The following TENM4 variants were observed in gnomAD, a reference collection of about 807,000 sequenced individuals.
TENM4 encodes teneurin transmembrane protein 4, also known as teneurin-4.
TENM4 carries 82 observed loss-of-function variants against 243.3 expected under a neutral mutation model. The observed-to-expected ratio is 0.34, with a 90% CI of 0.28 to 0.40. The LOEUF (loss-of-function observed/expected upper bound fraction) is 0.40. Among genes scored for constraint, TENM4 ranks in the 10% least tolerant of loss-of-function variants. The pLI is 1.00. For missense variants in TENM4, 3,138 were observed against 3,673.3 expected (o/e 0.85, Z 3.77); for synonymous variants, 1,412 against 1,456.3 (o/e 0.97, Z 0.69).
intron 4 of TENM4, among the ~76,000 whole-genome samples, chr11:79,113,541 A>G (rs911229481): frequency 6.6e-6 from 1 of 152,036 alleles, no homozygotes; most frequent in African/African-American, 2.4e-5. Context: ...TCAAGGACAA[A>G]AAAACTCACC....
At chr11:79,397,764 G>A (rs1858375781) in intron 1 of TENM4, among the ~76,000 whole-genome samples, 1 of 152,186 alleles carries the variant, frequency 6.6e-6, no homozygotes, top group South Asian at 2.1e-4. Flanking sequence ...AGGGCTGGCT[G>A]CTGAGTGGCC....
chr11:79,138,311 TTA>T lies in TENM4; in HGVS notation c.-66+10397_-66+10398del, dbSNP rs1324975719. Among the ~76,000 whole-genome samples, 50 of 96,082 alleles carry T rather than the reference TTA, an allele frequency of 5.2e-4. 1 individual carries two copies. The highest frequency in any genetic ancestry group is 4.7e-3 in the East Asian group (19 of 4,078). 63.0% of individuals were successfully genotyped at this position (96,082 alleles called of 152,430 possible). A position where few individuals can be genotyped will look rare whatever the true frequency, so the allele number is the denominator to read the frequency against. On this transcript the variant is annotated intron_variant, in intron 4 of 33. Coordinates refer to ENST00000278550, the MANE Select transcript of TENM4 (RefSeq NM_001098816.3). Reference sequence around the variant, plus strand: ...GAGTTAATACTTAATAAACTCCCCTTTATATATATATATATATATTATATATA... The same window carrying T: ...GAGTTAATACTTAATAAACTCCCCTTTATATATATATATATATTATATATA...
intron 19 of TENM4, among the ~76,000 whole-genome samples, chr11:78,748,013 G>A (rs1856090495): frequency 6.6e-6 from 1 of 152,174 alleles, no homozygotes; most frequent in African/African-American, 2.4e-5. Context: ...AGGGCTGATG[G>A]TCTGGAAGGT....
At chr11:79,241,733 C>A (rs1459519953) in intron 2 of TENM4, among the ~76,000 whole-genome samples, 1 of 151,866 alleles carries the variant, frequency 6.6e-6, no homozygotes, top group Non-Finnish European at 1.5e-5. Flanking sequence ...TGTGTGTGTG[C>A]ATGTGTATGG....
intron 2 of TENM4, among the ~76,000 whole-genome samples, chr11:79,220,203 TGGA>T (rs1864131648): frequency 2.0e-5 from 3 of 152,368 alleles, no homozygotes; most frequent in East Asian, 1.9e-4. Flanking sequence ...ACCTGCAGCC[TGGA>T]GGAGATGACC....
intron 6 of TENM4, among the ~76,000 whole-genome samples, chr11:79,053,219 G>C (rs1859846923): frequency 6.6e-6 from 1 of 152,128 alleles, no homozygotes; most frequent in South Asian, 2.1e-4. Flanking sequence ...ACAAGTTCAT[G>C]GTTAGTTAGT....
At chr11:78,889,082 C>T (rs941735507) in intron 9 of TENM4, among the ~76,000 whole-genome samples, 1 of 152,216 alleles carries the variant, frequency 6.6e-6, no homozygotes, top group African/African-American at 2.4e-5. Context: ...GAGCCATCTG[C>T]TGTATCAAGG....
chr11:79,285,834 A>G (rs1856240776), intron 2 of TENM4, among the ~76,000 whole-genome samples: 1 of 152,078 alleles, frequency 6.6e-6, no homozygotes, highest in South Asian at 2.1e-4. Context: ...AAGTCCATAA[A>G]GAGGGAGAAA....
intron 2 of TENM4, among the ~76,000 whole-genome samples, chr11:79,279,894 G>A (rs929685504): frequency 6.6e-6 from 1 of 152,176 alleles, no homozygotes; most frequent in African/African-American, 2.4e-5. Context: ...GAGGTGGTTA[G>A]GTTATGAGAG....
chr11:78,730,820 T>C lies in TENM4; in HGVS notation c.3139-1177A>G, dbSNP rs73496556. ...AACGTTTACCCTCACCCCATTCTCC[T>C]GAACACAGGAAATTTTAGGGATTGG... is the stretch of plus-strand genomic sequence containing the variant. On this transcript the variant is annotated intron_variant, in intron 21 of 33. Coordinates refer to ENST00000278550, the MANE Select transcript of TENM4 (RefSeq NM_001098816.3). 8.1e-3 allele frequency among the ~76,000 whole-genome samples: 1,236 copies of C among 152,320 alleles called. 18 individuals carry two copies. The highest frequency in any genetic ancestry group is 0.029 in the African/African-American group (1,186 of 41,558).
At chr11:79,307,983 A>G (rs941866109) in intron 1 of TENM4, among the ~76,000 whole-genome samples, 25 of 152,194 alleles carry the variant, frequency 1.6e-4, no homozygotes, top group African/African-American at 5.8e-4. Flanking sequence ...TCAGCCACCA[A>G]CAATTGGGAG....
At chr11:78,754,203 G>A (rs1278288126) in intron 19 of TENM4, among the ~76,000 whole-genome samples, 2 of 152,236 alleles carry the variant, frequency 1.3e-5, no homozygotes, top group Non-Finnish European at 1.5e-5. Flanking sequence ...TATGTATCTA[G>A]AGCGGCAGAG....
At chr11:78,713,277 C>G (rs1312896423) in intron 25 of TENM4, among the ~76,000 whole-genome samples, 1 of 152,176 alleles carries the variant, frequency 6.6e-6, no homozygotes, top group African/African-American at 2.4e-5. Flanking sequence ...TTACACTTAT[C>G]AGGAGCCCAG....
intron 9 of TENM4, among the ~76,000 whole-genome samples, chr11:78,884,751 T>C (rs1409824940): frequency 6.6e-6 from 1 of 152,190 alleles, no homozygotes; most frequent in Non-Finnish European, 1.5e-5. Flanking sequence ...AGGTTAAAAG[T>C]GTGAGCTCAA....
chr11:79,312,235 C>A (rs571404342), intron 1 of TENM4, among the ~76,000 whole-genome samples: 27 of 152,320 alleles, frequency 1.8e-4, no homozygotes, highest in East Asian at 1.9e-4. Flanking sequence ...TGCCCCTCAA[C>A]ACTGTGAGCC....
Position 78,940,786 on chromosome 11 carries a change from G to A in TENM4, c.494-37263C>T, listed in dbSNP as rs183947506. 3.4e-3 allele frequency among the ~76,000 whole-genome samples: 514 copies of A among 152,292 alleles called. 1 individual carries two copies. Among genetic ancestry groups the A allele is most frequent in the African/African-American group, 0.012 (485 of 41,562 alleles). On this transcript the variant is annotated intron_variant, in intron 6 of 33. Transcript: ENST00000278550. Reference sequence around the variant, plus strand: ...GTGACAGATGAAAGTGCATCTCAGGGCCTGGATTGTGTTTCCAGGGCACAG... The same window carrying A: ...GTGACAGATGAAAGTGCATCTCAGGACCTGGATTGTGTTTCCAGGGCACAG...
At chr11:79,368,181 G>T (rs987989323) in intron 1 of TENM4, among the ~76,000 whole-genome samples, 1 of 152,168 alleles carries the variant, frequency 6.6e-6, no homozygotes, top group Non-Finnish European at 1.5e-5. Flanking sequence ...TCCCACCACA[G>T]AGAAGCCAAG....
intron 1 of TENM4, among the ~76,000 whole-genome samples, chr11:79,372,301 A>G (rs968906709): frequency 6.6e-6 from 1 of 152,194 alleles, no homozygotes; most frequent in Non-Finnish European, 1.5e-5. Flanking sequence ...TGGCAGAACC[A>G]TTTTCTTTTG....
chr11:79,041,852 T>C (rs1379987252), intron 6 of TENM4, among the ~76,000 whole-genome samples: 4 of 152,208 alleles, frequency 2.6e-5, no homozygotes, highest in Non-Finnish European at 2.9e-5. Flanking sequence ...TTAAGAAACA[T>C]TTACTGAACA....
Sources: gnomAD v4.1 joint callset for allele counts (sites outside exome capture counted in the v4.1 genomes callset) on GRCh38, gnomAD v4.1.1 for gene constraint, MANE v1.5 for transcripts, NCBI Gene and HGNC (gene_info 2026-07-23, HGNC 2026-07-21) for gene names.